The following CRYZL1 variants were observed in gnomAD, a reference collection of about 807,000 sequenced individuals.
CRYZL1 encodes the protein ferry endosomal RAB5 effector complex subunit 4.
CRYZL1 carries 34 observed loss-of-function variants against 50.6 expected under a neutral mutation model. That is an observed-to-expected ratio of 0.67 (90% confidence interval 0.51 to 0.89). The LOEUF (loss-of-function observed/expected upper bound fraction) is 0.89. CRYZL1 is among the 40% of genes least tolerant of loss of function. The pLI, the probability that CRYZL1 is intolerant of heterozygous loss-of-function variation, is 0.00. For synonymous variants in CRYZL1, 125 were observed against 134.3 expected (o/e 0.93, Z 0.48); for missense variants, 354 against 402.3 (o/e 0.88, Z 1.03).
chr21:33,615,150 C>A (rs892222603), intron 5 of CRYZL1, among the ~76,000 whole-genome samples: 8 of 121,228 alleles, frequency 6.6e-5, no homozygotes, highest in African/African-American at 2.5e-4. Context: ...TCTTTTCTTT[C>A]TCTCTTTTTT....
At chr21:33,621,185 G>GT (rs2086995819) in intron 4 of CRYZL1, among the ~76,000 whole-genome samples, 1 of 148,432 alleles carries the variant, frequency 6.7e-6, no homozygotes, top group Non-Finnish European at 1.5e-5. Flanking sequence ...GATTACAGGC[G>GT]TGAGCCACCG....
chr21:33,611,674 T>C (rs2145935211), intron 6 of CRYZL1, among the ~76,000 whole-genome samples: 1 of 152,310 alleles, frequency 6.6e-6, no homozygotes, highest in Non-Finnish European at 1.5e-5. Flanking sequence ...AGGTATTTGC[T>C]ACTATGGATA....
At chr21:33,611,466 A>T (rs992178722) in intron 6 of CRYZL1, among the ~76,000 whole-genome samples, 3 of 152,316 alleles carry the variant, frequency 2.0e-5, no homozygotes, top group Middle Eastern at 6.8e-3. Context: ...CTTTAAATTT[A>T]TAATTTTAGA....
intron 1 of CRYZL1, among the ~76,000 whole-genome samples, chr21:33,634,667 T>C (rs2087181997): frequency 3.3e-5 from 5 of 151,908 alleles, no homozygotes; most frequent in South Asian, 2.1e-4. Context: ...TTTTGAGAAG[T>C]GGAACAATTA....
intron 1 of CRYZL1, chr21:33,641,447 A>G: frequency 9.2e-7 from 1 of 1,090,364 alleles, no homozygotes. Context: ...ATGCAAACTG[A>G]GATAAGACCT....
At chr21:33,640,293 C>T in intron 1 of CRYZL1, 1 of 1,487,068 alleles carries the variant, frequency 6.7e-7, no homozygotes, top group South Asian at 1.2e-5. Context: ...ACGTCTTATC[C>T]CCTGCTGTAA....
In CRYZL1 at chr21:33,589,479, G is replaced by C; in HGVS notation, c.*343C>G. 2.5e-6 allele frequency: 1 copy of C among 407,170 alleles called. No individual in the cohort carries two copies. The highest frequency in any genetic ancestry group is 6.5e-4 in the Middle Eastern group (1 of 1,532). 25.2% of individuals were successfully genotyped at this position (407,170 alleles called of 1,614,324 possible). ...ACGTTACTTTGATAGCTTAGCAAAGGCCTGCAACAGCTTTTATCAAGAGTA... is the reference window on the plus strand; with the variant it reads ...ACGTTACTTTGATAGCTTAGCAAAGCCCTGCAACAGCTTTTATCAAGAGTA... On this transcript the variant is annotated 3_prime_UTR_variant, in exon 13 of 13. Coordinates refer to ENST00000381554, the MANE Select transcript of CRYZL1 (RefSeq NM_145858.3).
In CRYZL1 at chr21:33,622,080, C is replaced by T. The variant is rs2087009863; in HGVS notation, c.145-12G>A. On this transcript the variant is annotated splice_polypyrimidine_tract_variant and intron_variant, in intron 3 of 12. Coordinates refer to ENST00000381554, the MANE Select transcript of CRYZL1 (RefSeq NM_145858.3). ...ATTTCTGCCAGAAGCTAAATCATGA[C>T]AAAGGCAGTTAACATACTATTGTCA... 6.2e-7 allele frequency: 1 copy of T among 1,607,860 alleles called. No individual in the cohort carries two copies. The highest frequency in any genetic ancestry group is 1.3e-5 in the African/African-American group (1 of 74,890).
chr21:33,598,281 T>C (rs2086716064), intron 9 of CRYZL1, among the ~76,000 whole-genome samples: 1 of 152,236 alleles, frequency 6.6e-6, no homozygotes. Context: ...TTACTTCCAC[T>C]GACAGATTTT....
At chr21:33,603,877 CCTCTT>C (rs747084937) in intron 6 of CRYZL1, among the ~76,000 whole-genome samples, 23 of 152,218 alleles carry the variant, frequency 1.5e-4, no homozygotes, top group Non-Finnish European at 1.9e-4. Flanking sequence ...ACCCCAGCAG[CCTCTT>C]CTCTCCTCAC....
chr21:33,628,111 C>T (rs532535274), intron 2 of CRYZL1, among the ~76,000 whole-genome samples: 1 of 152,258 alleles, frequency 6.6e-6, no homozygotes, highest in African/African-American at 2.4e-5. Context: ...ATTCGGAATA[C>T]ATTGGGTTAC....
chr21:33,603,309 G>A, intron 7 of CRYZL1, 95 bp downstream of exon 7: 1 of 1,451,414 alleles, frequency 6.9e-7, no homozygotes, highest in Non-Finnish European at 9.3e-7. Flanking sequence ...TAAGCTATTG[G>A]CAAAGAATTA....
intron 8 of CRYZL1, among the ~76,000 whole-genome samples, chr21:33,600,967 C>G (rs554602382): frequency 1.3e-5 from 1 of 76,554 alleles, no homozygotes; most frequent in East Asian, 5.4e-4. Flanking sequence ...GGCGGACTGT[C>G]GCTCTGTTGC....
At chr21:33,618,474 C>T (rs889976425) in intron 4 of CRYZL1, among the ~76,000 whole-genome samples, 6 of 151,998 alleles carry the variant, frequency 3.9e-5, no homozygotes, top group African/African-American at 1.2e-4. Flanking sequence ...TGTGTTTATG[C>T]ATTTAAACTT....
intron 1 of CRYZL1, among the ~76,000 whole-genome samples, chr21:33,634,059 A>C (rs1237799083): frequency 2.6e-5 from 4 of 152,252 alleles, no homozygotes; most frequent in African/African-American, 9.6e-5. Flanking sequence ...TACACATTCA[A>C]GACATATATA....
intron 11 of CRYZL1, among the ~76,000 whole-genome samples, chr21:33,593,920 GGTTGCAGT>G (rs1159945943): frequency 3.5e-5 from 5 of 142,206 alleles, no homozygotes; most frequent in Non-Finnish European, 6.0e-5. Context: ...AGGAGTTGGA[GGTTGCAGT>G]GAGCCAAGCT....
chr21:33,640,970 A>T (rs193097676), intron 1 of CRYZL1, among the ~76,000 whole-genome samples: 66 of 152,374 alleles, frequency 4.3e-4, no homozygotes, highest in African/African-American at 1.5e-3. Context: ...AATGAAACAT[A>T]TAATTAAAAT....
At chr21:33,603,277 C>A (rs2086774803) in intron 7 of CRYZL1, 127 bp downstream of exon 7, 1 of 1,119,666 alleles carries the variant, frequency 8.9e-7, no homozygotes, top group Admixed American at 2.3e-5. Context: ...CAAAATAGGA[C>A]ACTGGAAAAA....
In CRYZL1 at chr21:33,593,811, C is replaced by T. The variant is rs142451107; in HGVS notation, c.904+1920G>A. Among the ~76,000 whole-genome samples the T allele has an allele frequency of 4.2e-4, 63 of 151,720 alleles. No individual in the cohort carries two copies. The Middle Eastern group carries it at 0.014, about 33-fold the overall frequency. On this transcript the variant is annotated intron_variant, in intron 11 of 12. Coordinates refer to ENST00000381554, the MANE Select transcript of CRYZL1 (RefSeq NM_145858.3). ...CAGCTTGACCAACATGGTGAAACTC[C>T]GTCTCTACTAAAAAATACAAAAAAT...
Sources: gnomAD v4.1 joint callset for allele counts (sites outside exome capture counted in the v4.1 genomes callset) on GRCh38, gnomAD v4.1.1 for gene constraint, MANE v1.5 for transcripts, NCBI Gene and HGNC (gene_info 2026-07-23, HGNC 2026-07-21) for gene names.